TMEM178B: variants seen among roughly 807,000 people sequenced by gnomAD.
The protein encoded by TMEM178B is transmembrane protein 178B.
TMEM178B carries 5 observed loss-of-function variants against 31.0 expected under a neutral mutation model. The ratio of observed to expected loss-of-function variants is 0.16; its 90% confidence interval spans 0.08 to 0.34. The LOEUF (loss-of-function observed/expected upper bound fraction) is 0.34, where lower values mean the gene tolerates loss of function less well. Among genes scored for constraint, TMEM178B ranks in the 10% least tolerant of loss-of-function variants. The pLI is 1.00. For synonymous variants in TMEM178B, 164 were observed against 164.0 expected, an observed-to-expected ratio of 1.00 and a Z score of 0.00; for missense variants, 275 against 400.3, an observed-to-expected ratio of 0.69 and a Z score of 2.67.
intron 2 of TMEM178B, among the ~76,000 whole-genome samples, chr7:141,221,640 G>GTGCT (rs1797259214): frequency 6.6e-6 from 1 of 152,222 alleles, no homozygotes; most frequent in Admixed American, 6.5e-5. Flanking sequence ...CAAGGCAGGT[G>GTGCT]TGCTATGCCC....
At chr7:141,364,202 T>C (rs991812694) in intron 2 of TMEM178B, among the ~76,000 whole-genome samples, 1 of 152,194 alleles carries the variant, frequency 6.6e-6, no homozygotes, top group Admixed American at 6.5e-5. Flanking sequence ...AAATGCTACT[T>C]TGCAAAGTGA....
At chr7:141,351,378 G>A (rs770107025) in intron 2 of TMEM178B, among the ~76,000 whole-genome samples, 10 of 152,364 alleles carry the variant, frequency 6.6e-5, no homozygotes, top group Admixed American at 3.3e-4. Context: ...GGCCTTAGCC[G>A]GAACGGCTGG....
intron 2 of TMEM178B, among the ~76,000 whole-genome samples, chr7:141,434,777 C>T (rs567988751): frequency 4.6e-5 from 7 of 152,286 alleles, no homozygotes; most frequent in African/African-American, 1.4e-4. Context: ...CATCCACACC[C>T]GTCCCAGCCT....
chr7:141,305,889 C>T (rs1448417011), intron 2 of TMEM178B, among the ~76,000 whole-genome samples: 1 of 152,082 alleles, frequency 6.6e-6, no homozygotes. Context: ...ATCTAATTCC[C>T]ATTAGATGAG....
chr7:141,321,497 A>C (rs1475230930), intron 2 of TMEM178B, among the ~76,000 whole-genome samples: 1 of 152,198 alleles, frequency 6.6e-6, no homozygotes, highest in Non-Finnish European at 1.5e-5. Flanking sequence ...GAGTGCAGTC[A>C]GGAGGCAGTG....
At chr7:141,483,680 C>T (rs532843326), downstream of TMEM178B, among the ~76,000 whole-genome samples, 1 of 152,006 alleles carries the variant, frequency 6.6e-6, no homozygotes, top group African/African-American at 2.4e-5. Context: ...CTCCCTTCAC[C>T]TCCCATGCAC....
intron 1 of TMEM178B, among the ~76,000 whole-genome samples, chr7:141,173,684 G>A (rs1299125079): frequency 6.6e-6 from 1 of 152,132 alleles, no homozygotes. Context: ...TTGTGTTGAG[G>A]GAAGGATTCT....
chr7:141,437,840 A>G, intron 3 of TMEM178B, 95 bp downstream of exon 3: 1 of 1,474,414 alleles, frequency 6.8e-7, no homozygotes, highest in East Asian at 2.5e-5. Context: ...AGAGGGGACC[A>G]TGACGTGACT....
At chr7:141,090,180 A>G (rs1025874539) in intron 1 of TMEM178B, among the ~76,000 whole-genome samples, 4 of 152,026 alleles carry the variant, frequency 2.6e-5, no homozygotes, top group African/African-American at 4.8e-5. Context: ...GGACCTTTAA[A>G]TTTTTTAAAA....
intron 2 of TMEM178B, among the ~76,000 whole-genome samples, chr7:141,279,571 C>A (rs190001461): frequency 1.1e-4 from 16 of 152,340 alleles, no homozygotes; most frequent in African/African-American, 3.6e-4. Context: ...GGAGAGCTGG[C>A]CACCTTTGTT....
chr7:141,323,993 C>G (rs1799143616), intron 2 of TMEM178B, among the ~76,000 whole-genome samples: 1 of 152,026 alleles, frequency 6.6e-6, no homozygotes, highest in Non-Finnish European at 1.5e-5. Flanking sequence ...GGCAAAGAAC[C>G]AGCAAGTGCA....
intron 1 of TMEM178B, among the ~76,000 whole-genome samples, chr7:141,205,689 G>A (rs1796951437): frequency 6.6e-6 from 1 of 152,236 alleles, no homozygotes; most frequent in African/African-American, 2.4e-5. Context: ...TAGATGGGCT[G>A]AACTTAGGTC....
intron 2 of TMEM178B, among the ~76,000 whole-genome samples, chr7:141,310,968 A>G (rs180690954): frequency 5.9e-4 from 90 of 152,368 alleles, no homozygotes; most frequent in African/African-American, 2.0e-3. Context: ...CTATGCAGCC[A>G]TAAAAAGGAA....
intron 1 of TMEM178B, among the ~76,000 whole-genome samples, chr7:141,144,526 G>A (rs1279906877): frequency 6.6e-6 from 1 of 152,144 alleles, no homozygotes; most frequent in African/African-American, 2.4e-5. Context: ...GAGCACAGAG[G>A]GCTGGATGGG....
chr7:141,422,436 C>G lies in TMEM178B; in HGVS notation c.497-15172C>G, dbSNP rs989740643. 6.6e-6 allele frequency among the ~76,000 whole-genome samples: 1 copy of G among 152,208 alleles called. No homozygotes were observed. Among genetic ancestry groups the G allele is most frequent in the African/African-American group, 2.4e-5 (1 of 41,464 alleles). On this transcript the variant is annotated intron_variant, in intron 2 of 3. Coordinates refer to ENST00000565468, the MANE Select transcript of TMEM178B (RefSeq NM_001195278.2). The surrounding 1 kb of genome is among the most constrained non-coding windows in gnomAD (Gnocchi z 4.2). The stretch of plus-strand genomic sequence containing the variant: ...GTGCTACCTCACAATGGAGACTCTT[C>G]TTGTTGGTGTGATCGTACGCTAATG...
At chr7:141,295,828 G>A (rs933417047) in intron 2 of TMEM178B, among the ~76,000 whole-genome samples, 1 of 152,174 alleles carries the variant, frequency 6.6e-6, no homozygotes, top group East Asian at 1.9e-4. Flanking sequence ...AAGCACAGAA[G>A]AGAGGTGAAC....
chr7:141,510,247 AAG>A, the TMEM178B span, among the ~76,000 whole-genome samples: 1 of 152,076 alleles, frequency 6.6e-6, no homozygotes. Flanking sequence ...GTGAGAAGAT[AAG>A]ATAACTCCCT....
intron 2 of TMEM178B, among the ~76,000 whole-genome samples, chr7:141,321,923 A>C (rs999326404): frequency 6.6e-6 from 1 of 151,986 alleles, no homozygotes; most frequent in Non-Finnish European, 1.5e-5. Flanking sequence ...TATAGAAGCC[A>C]TTTCCCACTG....
intron 2 of TMEM178B, among the ~76,000 whole-genome samples, chr7:141,238,514 G>A (rs1461591370): frequency 1.3e-5 from 2 of 152,168 alleles, no homozygotes; most frequent in African/African-American, 4.8e-5. Context: ...TACCTGTGCA[G>A]TTGAACTACA....
Sources: allele counts gnomAD v4.1 joint callset (sites outside exome capture counted in the v4.1 genomes callset), GRCh38; gene constraint gnomAD v4.1.1; non-coding constraint Gnocchi (gnomAD v3.1); transcripts MANE v1.5; gene names NCBI Gene and HGNC (gene_info 2026-07-23, HGNC 2026-07-21).